The following ZNF71 variants were observed in gnomAD, a reference collection of about 807,000 sequenced individuals.
ZNF71 encodes endothelial zinc finger protein induced by tumor necrosis factor alpha.
In ZNF71, 3 loss-of-function variants were observed where a neutral mutation model predicts 6.7. That is an observed-to-expected ratio of 0.45 (90% CI 0.20 to 1.16). The LOEUF is 1.16. Among genes scored for constraint, ZNF71 ranks in the 50% most tolerant of loss-of-function variants. The pLI is 0.25. For synonymous variants in ZNF71, 343 were observed against 311.1 expected (o/e 1.10, Z -1.08); for missense variants, 688 against 728.6 (o/e 0.94, Z 0.64).
At chr19:56,596,563 A>G (rs577184748) in intron 1 of ZNF71, among the ~76,000 whole-genome samples, 3 of 152,252 alleles carry the variant, frequency 2.0e-5, no homozygotes, top group South Asian at 4.2e-4. Context: ...TTAAAGTGGG[A>G]TCAGACTCCC....
chr19:56,622,158 A>G lies in ZNF71; in HGVS notation c.1051A>G (p.Thr351Ala), dbSNP rs2044860212. ...CATGCACCTGACCGAGCACCAGCGC[A>G]CGCACACCGGGGAGAAGCCGTACGC... ...QNMHLTEHQR[T>A]HTGEKPYACK... Residue 351 changes from threonine (T) to alanine (A), a missense_variant, in exon 4 of 4, where the codon ACG (threonine) becomes GCG (alanine). Transcript: ENST00000599599. 3 of 1,613,326 alleles carry G rather than the reference A, an allele frequency of 1.9e-6. No homozygotes were observed. Among genetic ancestry groups the G allele is most frequent in the Non-Finnish European group, 2.5e-6 (3 of 1,179,786 alleles).
chr19:56,599,090 G>A (rs2044647217), intron 1 of ZNF71, among the ~76,000 whole-genome samples: 1 of 152,170 alleles, frequency 6.6e-6, no homozygotes, highest in African/African-American at 2.4e-5. Context: ...GCATTGTGTT[G>A]GAGAGGATTG....
rs761998210 is a variant in ZNF71 at position 56,621,352 on chromosome 19, C to T, written c.245C>T (p.Thr82Met). 2.9e-5 allele frequency: 46 copies of T among 1,570,630 alleles called. 1 individual carries two copies. In the South Asian group the frequency reaches 4.0e-4, roughly 14 times the overall value. ...AAGCTCTCCGTTGTTGGGGAGGCCA[C>T]GGGGGGACCCACGAGGAATGGTGCC... ...EDKLSVVGEA[T>M]GGPTRNGARG... Residue 82 changes from threonine to methionine, a missense_variant, in exon 4 of 4, where the codon ACG becomes ATG. Transcript: ENST00000599599.
chr19:56,609,545 G>C (rs1405919520), intron 2 of ZNF71, among the ~76,000 whole-genome samples: 1 of 151,950 alleles, frequency 6.6e-6, no homozygotes, highest in Non-Finnish European at 1.5e-5. Flanking sequence ...ATACGATATG[G>C]ATTTTGCCTG....
intron 1 of ZNF71, among the ~76,000 whole-genome samples, chr19:56,596,040 G>C (rs2044620159): frequency 6.6e-6 from 1 of 152,020 alleles, no homozygotes; most frequent in South Asian, 2.1e-4. Context: ...GTGGAGCTGT[G>C]TCTCTCCAGG....
chr19:56,600,665 C>T (rs545124825), intron 1 of ZNF71, among the ~76,000 whole-genome samples: 2 of 152,068 alleles, frequency 1.3e-5, no homozygotes, highest in South Asian at 2.1e-4. Flanking sequence ...CTATGCCTGG[C>T]TTATTTCACT....
chr19:56,597,902 C>A (rs1192706952), intron 1 of ZNF71, among the ~76,000 whole-genome samples: 2 of 152,164 alleles, frequency 1.3e-5, no homozygotes, highest in Non-Finnish European at 2.9e-5. Flanking sequence ...CATTCCCTCA[C>A]CAGTGTGTGA....
At chr19:56,601,180 C>G (rs1017167424) in intron 1 of ZNF71, among the ~76,000 whole-genome samples, 2 of 152,034 alleles carry the variant, frequency 1.3e-5, no homozygotes, top group Non-Finnish European at 2.9e-5. Flanking sequence ...AAGCTGTGGA[C>G]CCAGACATAC....
At chr19:56,596,997 C>T (rs1350764229) in intron 1 of ZNF71, among the ~76,000 whole-genome samples, 1 of 152,204 alleles carries the variant, frequency 6.6e-6, no homozygotes. Context: ...AAGTCACTTC[C>T]AGGGCCGCTG....
intron 3 of ZNF71, among the ~76,000 whole-genome samples, chr19:56,617,600 G>A (rs1229480182): frequency 1.3e-5 from 2 of 152,206 alleles, no homozygotes; most frequent in Non-Finnish European, 2.9e-5. Flanking sequence ...AGTGCCCTCT[G>A]CAGAAGCTTC....
chr19:56,621,030 G>A (rs1385235508), intron 3 of ZNF71, among the ~76,000 whole-genome samples: 1 of 152,048 alleles, frequency 6.6e-6, no homozygotes, highest in Non-Finnish European at 1.5e-5. Context: ...TCTTCTGAAG[G>A]GACATTTGCT....
chr19:56,619,407 G>T (rs1275007219), intron 3 of ZNF71, among the ~76,000 whole-genome samples: 1 of 152,154 alleles, frequency 6.6e-6, no homozygotes, highest in African/African-American at 2.4e-5. Flanking sequence ...GGAATCACAT[G>T]GCATCCATCC....
In ZNF71 at chr19:56,598,639, G is replaced by A. The variant is rs1164360433; in HGVS notation, c.-52-2868G>A. Among the ~76,000 whole-genome samples the A allele has an allele frequency of 6.6e-6, 1 of 152,096 alleles. No homozygotes were observed. Among genetic ancestry groups the A allele is most frequent in the Non-Finnish European group, 1.5e-5 (1 of 68,016 alleles). Reference sequence around the variant, plus strand: ...TGTTGTGGGGCCTGTCGCGTGCATCGTACAGTGTGTAGCAGCATCCCCAGT... The same window carrying A: ...TGTTGTGGGGCCTGTCGCGTGCATCATACAGTGTGTAGCAGCATCCCCAGT... On this transcript the variant is annotated intron_variant, in intron 1 of 3. Transcript: ENST00000599599. This position sits in a 1 kb window ranked among gnomAD's most constrained non-coding sequence, Gnocchi z 4.2.
intron 2 of ZNF71, among the ~76,000 whole-genome samples, chr19:56,604,956 C>T (rs1475048912): frequency 1.3e-5 from 2 of 152,130 alleles, no homozygotes; most frequent in African/African-American, 4.8e-5. Context: ...AATAAGTGGG[C>T]AGGTGGGGCC....
intron 2 of ZNF71, among the ~76,000 whole-genome samples, chr19:56,602,060 A>C (rs2044674988): frequency 6.6e-6 from 1 of 152,186 alleles, no homozygotes; most frequent in African/African-American, 2.4e-5. Context: ...CTGGCTAAGC[A>C]ATTTTAATGT....
chr19:56,615,001 G>A (rs1305346476), intron 3 of ZNF71, among the ~76,000 whole-genome samples: 1 of 149,074 alleles, frequency 6.7e-6, no homozygotes, highest in Non-Finnish European at 1.5e-5. Flanking sequence ...TTTTTTTTTT[G>A]GTCTGGCTTT....
chr19:56,595,845 G>GTT lies in ZNF71; in HGVS notation c.-53+418_-53+419insTT, dbSNP rs1296382706. Among the ~76,000 whole-genome samples, 7 of 124,278 alleles carry GTT rather than the reference G, an allele frequency of 5.6e-5. No homozygotes were observed. In the Admixed American group the frequency reaches 6.1e-4, roughly 11 times the overall value. 81.5% of individuals were successfully genotyped at this position (124,278 alleles called of 152,430 possible). ...GTGTCTCTGGATATTGTGATTGTGT[G>GTT]TGTGTGTTTGTGTGTGTGTGTGTGT... On this transcript the variant is annotated intron_variant, in intron 1 of 3. Coordinates refer to ENST00000599599, the MANE Select transcript of ZNF71 (RefSeq NM_001370215.1).
chr19:56,596,470 A>G (rs2044625717), intron 1 of ZNF71, among the ~76,000 whole-genome samples: 1 of 151,942 alleles, frequency 6.6e-6, no homozygotes, highest in South Asian at 2.1e-4. Context: ...AAGGCTCTGG[A>G]GGCGTAGGGG....
rs1245262095 is a variant in ZNF71, at chr19:56,621,934, G to A, written c.827G>A (p.Cys276Tyr). 6.2e-7 allele frequency: 1 copy of A among 1,607,432 alleles called. No homozygotes were observed. The highest frequency in any genetic ancestry group is 1.1e-5 in the South Asian group (1 of 90,988). Residue 276 changes from cysteine (C) to tyrosine (Y), a missense_variant, in exon 4 of 4, where the codon TGC becomes TAC. Cys to Tyr is a radical substitution (Grantham distance 194, BLOSUM62 -2). Coordinates refer to ENST00000599599, the MANE Select transcript of ZNF71 (RefSeq NM_001370215.1). ...RTHTGEKPYVCDVCGKAFRKT... is the reference protein window; with the variant it reads ...RTHTGEKPYVYDVCGKAFRKT... ...CACACGGGCGAGAAGCCGTATGTGT[G>A]CGACGTGTGTGGCAAGGCCTTCCGG... is the stretch of plus-strand genomic sequence containing the variant.
Sources: allele counts gnomAD v4.1 joint callset (sites outside exome capture counted in the v4.1 genomes callset), GRCh38; gene constraint gnomAD v4.1.1; non-coding constraint Gnocchi (gnomAD v3.1); transcripts MANE v1.5; gene names NCBI Gene and HGNC (gene_info 2026-07-23, HGNC 2026-07-21).